The following CRHR1 variants were observed in gnomAD, a reference collection of about 807,000 sequenced individuals.
CRHR1 encodes corticotropin releasing hormone receptor 1, also known as corticotropin-releasing hormone receptor 1.
In CRHR1, 28 loss-of-function variants were observed where a neutral mutation model predicts 56.0. The ratio of observed to expected loss-of-function variants is 0.50; its 90% CI spans 0.37 to 0.69. CRHR1 has a LOEUF of 0.69. Among genes scored for constraint, CRHR1 ranks in the 30% least tolerant of loss-of-function variants. The probability of loss-of-function intolerance (pLI) is 0.00; values close to 1 mark genes in which losing one functional copy is unlikely to be tolerated. For synonymous variants in CRHR1, 195 were observed against 216.5 expected (o/e 0.90, Z 0.87); for missense variants, 376 against 548.0 (o/e 0.69, Z 3.13).
chr17:45,804,728 G>A (rs1342344591), intron 1 of CRHR1, among the ~76,000 whole-genome samples: 7 of 152,214 alleles, frequency 4.6e-5, no homozygotes, highest in East Asian at 3.9e-4. Context: ...GAGGGATGGC[G>A]TCTGGCTTGG....
At chr17:45,804,170 T>C (rs1245445899) in intron 1 of CRHR1, among the ~76,000 whole-genome samples, 1 of 152,170 alleles carries the variant, frequency 6.6e-6, no homozygotes, top group Non-Finnish European at 1.5e-5. Context: ...ATGGGTTTGT[T>C]ATCATCACTC....
chr17:45,821,330 C>G (rs1285103123), intron 3 of CRHR1, 25 bp from the exon 4 acceptor site: 7 of 1,610,060 alleles, frequency 4.3e-6, no homozygotes, highest in Non-Finnish European at 5.1e-6. Flanking sequence ...GCCCCGCCAT[C>G]ACTGCCTCTC....
intron 2 of CRHR1, among the ~76,000 whole-genome samples, chr17:45,814,344 C>CT (rs1404913422): frequency 4.6e-5 from 7 of 152,296 alleles, no homozygotes; most frequent in African/African-American, 1.4e-4. Flanking sequence ...CTGCTGCCCC[C>CT]TTAACTGTCC....
chr17:45,833,037 G>A (rs2062350236), intron 8 of CRHR1, 101 bp from the exon 9 acceptor site: 2 of 1,032,118 alleles, frequency 1.9e-6, no homozygotes, highest in Non-Finnish European at 3.0e-6. Context: ...CTACCTCTTG[G>A]CCTCCAGCCC....
At chr17:45,787,028 C>A (rs1256377061) in intron 1 of CRHR1, among the ~76,000 whole-genome samples, 1 of 152,170 alleles carries the variant, frequency 6.6e-6, no homozygotes, top group Non-Finnish European at 1.5e-5. Context: ...CATGAGAGTA[C>A]AAATCTAGGG....
At chr17:45,831,724 A>C (rs982463643) in intron 8 of CRHR1, among the ~76,000 whole-genome samples, 1 of 152,208 alleles carries the variant, frequency 6.6e-6, no homozygotes, top group Admixed American at 6.5e-5. Flanking sequence ...AGAGCGGGGC[A>C]GAAAAGGTGG....
chr17:45,808,436 G>A (rs1410680361), intron 2 of CRHR1, among the ~76,000 whole-genome samples: 1 of 152,184 alleles, frequency 6.6e-6, no homozygotes, highest in Non-Finnish European at 1.5e-5. Flanking sequence ...GTCATGTCCC[G>A]GCTAGGGGTG....
At chr17:45,802,681 G>C (rs110402) in intron 1 of CRHR1, among the ~76,000 whole-genome samples, 3 of 151,946 alleles carry the variant, frequency 2.0e-5, no homozygotes, top group Admixed American at 6.5e-5. Flanking sequence ...TTTGCATAAC[G>C]CAACACCAGT....
chr17:45,829,984 C>G, intron 5 of CRHR1, 110 bp from the exon 6 acceptor site: 1 of 1,527,842 alleles, frequency 6.5e-7, no homozygotes, highest in Non-Finnish European at 8.9e-7. Flanking sequence ...CAGCCCCACC[C>G]TGTGCCTCAG....
At chr17:45,798,040 G>A (rs1033174474) in intron 1 of CRHR1, among the ~76,000 whole-genome samples, 2 of 152,242 alleles carry the variant, frequency 1.3e-5, no homozygotes. Flanking sequence ...TGCTGAGCAG[G>A]AGGAATAGAG....
chr17:45,794,627 G>A (rs146799157), intron 1 of CRHR1, among the ~76,000 whole-genome samples: 23 of 152,354 alleles, frequency 1.5e-4, no homozygotes, highest in African/African-American at 5.3e-4. Flanking sequence ...CCAGTGGCGG[G>A]TTCTGAGCAG....
chr17:45,787,536 T>C (rs1468669225), intron 1 of CRHR1, among the ~76,000 whole-genome samples: 1 of 152,206 alleles, frequency 6.6e-6, no homozygotes, highest in Non-Finnish European at 1.5e-5. Context: ...ACCTCACTCT[T>C]TTAATCTGGC....
At chr17:45,791,850 T>TCACACACA (rs1327755962) in intron 1 of CRHR1, among the ~76,000 whole-genome samples, 1 of 112,154 alleles carries the variant, frequency 8.9e-6, no homozygotes, top group African/African-American at 3.1e-5. Context: ...TCTCTCTCTC[T>TCACACACA]CTCACACACA....
At chr17:45,816,377 G>T in intron 2 of CRHR1, 86 bp from the exon 3 acceptor site, 1 of 1,562,894 alleles carries the variant, frequency 6.4e-7, no homozygotes. Flanking sequence ...GAGTGGGGAG[G>T]TGGGCAGAAC....
chr17:45,830,721 G>T lies in CRHR1; in HGVS notation c.709+151G>T, dbSNP rs1174512762. 25 of 1,209,216 alleles carry T rather than the reference G, an allele frequency of 2.1e-5. 1 individual carries two copies. The South Asian group carries it at 3.2e-4, about 16-fold the overall frequency. 74.9% of individuals were successfully genotyped at this position (1,209,216 alleles called of 1,614,324 possible). The stretch of plus-strand genomic sequence containing the variant: ...CACGATAGCCCTCTGCTCCTCTTGG[G>T]GGTGGGCGGCAGTAGAAGCACCTTG... On this transcript the variant is annotated intron_variant, in intron 7 of 12. Coordinates refer to ENST00000314537, the MANE Select transcript of CRHR1 (RefSeq NM_004382.5).
At chr17:45,833,341 C>A in intron 9 of CRHR1, 111 bp from the exon 10 acceptor site, 1 of 1,433,954 alleles carries the variant, frequency 7.0e-7, no homozygotes, top group Non-Finnish European at 9.8e-7. Context: ...CAGAGATGTG[C>A]AGGTGCTCAT....
In CRHR1 at chr17:45,822,470, C is replaced by T. The variant is rs557091966; in HGVS notation, c.327+1030C>T. ...AGAAGGGGGGACACCCCAGGCTGTC[C>T]GAGGGCCAGGGATTCTGATTGTGGA... On this transcript the variant is annotated intron_variant, in intron 4 of 12. Transcript: ENST00000314537. Among the ~76,000 whole-genome samples the T allele has an allele frequency of 4.6e-5, 7 of 152,316 alleles. No individual in the cohort carries two copies. The East Asian group carries it at 1.4e-3, about 29-fold the overall frequency.
intron 3 of CRHR1, 61 bp downstream of exon 3, chr17:45,816,643 G>A (rs1356879321): frequency 6.2e-7 from 1 of 1,605,940 alleles, no homozygotes; most frequent in African/African-American, 1.3e-5. Context: ...GGGAGAGCTT[G>A]GAGGTGGGGG....
At chr17:45,802,762 G>T (rs2061647248) in intron 1 of CRHR1, among the ~76,000 whole-genome samples, 1 of 152,218 alleles carries the variant, frequency 6.6e-6, no homozygotes, top group Non-Finnish European at 1.5e-5. Flanking sequence ...AGGGTTCTAG[G>T]CAGCCAAGGG....
Sources: allele counts gnomAD v4.1 joint callset (sites outside exome capture counted in the v4.1 genomes callset), GRCh38; gene constraint gnomAD v4.1.1; transcripts MANE v1.5; gene names NCBI Gene and HGNC (gene_info 2026-07-23, HGNC 2026-07-21).